Variants in RPS6KA3 observed in about 807,000 individuals in gnomAD.
RPS6KA3 encodes ribosomal protein S6 kinase alpha-3.
RPS6KA3 carries 4 observed loss-of-function variants against 67.2 expected under a neutral mutation model. The observed-to-expected ratio is 0.06, with a 90% CI of 0.03 to 0.14. The LOEUF is 0.14. RPS6KA3 is among the 10% of genes least tolerant of loss of function. The pLI is 1.00. For missense variants in RPS6KA3, 204 were observed against 559.0 expected (o/e 0.36, Z 6.40); for synonymous variants, 182 against 183.7 (o/e 0.99, Z 0.07).
At chrX:20,230,578 A>G (rs191338132) in intron 2 of RPS6KA3, among the ~76,000 whole-genome samples, 18 of 111,774 alleles carry the variant, frequency 1.6e-4, no homozygotes, top group Admixed American at 1.3e-3. Context: ...AGTAGAGGGT[A>G]GAGGTGTGCG....
intron 2 of RPS6KA3, among the ~76,000 whole-genome samples, chrX:20,210,154 G>T (rs2068676490): frequency 8.9e-6 from 1 of 111,863 alleles, no homozygotes; most frequent in South Asian, 3.7e-4. Context: ...ATATATTTGA[G>T]GAAAAGTGTC....
chrX:20,191,237 A>AT (rs1355770562), intron 7 of RPS6KA3, among the ~76,000 whole-genome samples: 2 of 111,818 alleles, frequency 1.8e-5, no homozygotes, highest in Non-Finnish European at 3.8e-5. Flanking sequence ...TCCATGGTGT[A>AT]TATGTGCCAC....
chrX:20,239,640 T>A (rs1221414181), intron 1 of RPS6KA3, among the ~76,000 whole-genome samples: 1 of 111,666 alleles, frequency 9.0e-6, no homozygotes, highest in East Asian at 2.8e-4. Context: ...GCCTGAAATG[T>A]GTATAAAGTC....
intron 14 of RPS6KA3, among the ~76,000 whole-genome samples, chrX:20,173,740 T>C (rs924962902): frequency 1.8e-5 from 2 of 112,554 alleles, no homozygotes; most frequent in Non-Finnish European, 3.7e-5. Flanking sequence ...TATTTCAACA[T>C]GAGCTCTGCT....
intron 19 of RPS6KA3, among the ~76,000 whole-genome samples, chrX:20,162,169 C>G (rs1429543981): frequency 9.2e-6 from 1 of 108,168 alleles, no homozygotes; most frequent in Non-Finnish European, 1.9e-5. Context: ...AACATTGTCT[C>G]AACTAAAAAT....
At chrX:20,161,396 C>G (rs764557062) in intron 20 of RPS6KA3, among the ~76,000 whole-genome samples, 1 of 111,850 alleles carries the variant, frequency 8.9e-6, no homozygotes, top group African/African-American at 3.3e-5. Context: ...ATCATGAAGA[C>G]TACCACGGTT....
rs1420464725 is a variant in RPS6KA3 at position 20,266,798 on chromosome X, G to A, written c.-166C>T. 12 of 352,011 alleles carry A rather than the reference G, an allele frequency of 3.4e-5. No individual in the cohort carries two copies. The highest frequency in any genetic ancestry group is 3.1e-4 in the African/African-American group (11 of 35,146). The allele number at this position is 352,011 out of a possible 1,213,427, so 29.0% of individuals were successfully genotyped here. ...CAGCAGCAGCGGCGGCGGCCCCAGA[G>A]AGGGCTCGACGCCGACGCCGACCGC... On this transcript the variant is annotated 5_prime_UTR_variant, in exon 1 of 22. Coordinates refer to ENST00000379565, the MANE Select transcript of RPS6KA3 (RefSeq NM_004586.3).
At chrX:20,194,347 T>C (rs2068216913) in intron 5 of RPS6KA3, 79 bp from the exon 6 acceptor site, 1 of 560,819 alleles carries the variant, frequency 1.8e-6, no homozygotes, top group African/African-American at 2.3e-5. Flanking sequence ...TAAATGAATA[T>C]TTTAACAAAT....
At chrX:20,217,202 G>A (rs745913403) in intron 2 of RPS6KA3, among the ~76,000 whole-genome samples, 1 of 111,803 alleles carries the variant, frequency 8.9e-6, no homozygotes, top group African/African-American at 3.2e-5. Flanking sequence ...CCAACAAAAC[G>A]TCCTTAGGTT....
At chrX:20,224,517 C>G (rs989147085) in intron 2 of RPS6KA3, among the ~76,000 whole-genome samples, 2 of 111,473 alleles carry the variant, frequency 1.8e-5, no homozygotes, top group African/African-American at 6.5e-5. Context: ...ATTGATTCCA[C>G]TGGATACTTT....
At chrX:20,182,235 A>C (rs1209138874) in intron 10 of RPS6KA3, among the ~76,000 whole-genome samples, 2 of 111,826 alleles carry the variant, frequency 1.8e-5, no homozygotes, top group Non-Finnish European at 3.8e-5. Flanking sequence ...AACCATCTAA[A>C]TATGAACCCT....
intron 1 of RPS6KA3, among the ~76,000 whole-genome samples, chrX:20,254,466 G>A (rs779671221): frequency 4.5e-5 from 5 of 111,946 alleles, no homozygotes; most frequent in Non-Finnish European, 7.5e-5. Flanking sequence ...GGTGCCCTAG[G>A]TGAGAGGTAT....
At chrX:20,220,289 T>C (rs775232425) in intron 2 of RPS6KA3, among the ~76,000 whole-genome samples, 40 of 111,117 alleles carry the variant, frequency 3.6e-4, no homozygotes, top group Non-Finnish European at 6.4e-4. Flanking sequence ...CAAATAAATA[T>C]CTAAGATAGA....
chrX:20,202,048 C>G (rs923477021), intron 4 of RPS6KA3, among the ~76,000 whole-genome samples: 1 of 103,078 alleles, frequency 9.7e-6, no homozygotes, highest in African/African-American at 3.5e-5. Flanking sequence ...GGTGCGATCC[C>G]GGCTCACTGC....
At chrX:20,193,689 T>C (rs748050316) in intron 6 of RPS6KA3, 96 bp from the exon 7 acceptor site, 1 of 506,065 alleles carries the variant, frequency 2.0e-6, no homozygotes, top group Non-Finnish European at 3.3e-6. Flanking sequence ...AAAAATTTTA[T>C]AAATATGATA....
Position 20,262,253 on chromosome X carries a change from T to C in RPS6KA3, c.69+4311A>G, listed in dbSNP as rs764032267. On this transcript the variant is annotated intron_variant, in intron 1 of 21. Coordinates refer to ENST00000379565, the MANE Select transcript of RPS6KA3 (RefSeq NM_004586.3). ...GTTAATTATCACAATGGTATGAATT[T>C]CTTAGTAATAAAAATTTTTAAAAAC... Among the ~76,000 whole-genome samples, 3 of 112,022 alleles carry C rather than the reference T, an allele frequency of 2.7e-5. No individual in the cohort carries two copies. In the South Asian group the frequency reaches 1.1e-3, roughly 42 times the overall value.
intron 2 of RPS6KA3, among the ~76,000 whole-genome samples, chrX:20,213,700 A>C (rs1433442383): frequency 9.1e-6 from 1 of 110,378 alleles, no homozygotes; most frequent in Non-Finnish European, 1.9e-5. Context: ...TGAAACTTAA[A>C]GTATAATAAT....
intron 1 of RPS6KA3, among the ~76,000 whole-genome samples, chrX:20,246,131 A>G (rs1003414179): frequency 6.4e-5 from 7 of 109,463 alleles, no homozygotes; most frequent in Non-Finnish European, 1.3e-4. Context: ...AGAAAAAAAA[A>G]AAAAAAAAAA....
chrX:20,256,066 A>C (rs1299219651), intron 1 of RPS6KA3, among the ~76,000 whole-genome samples: 1 of 102,781 alleles, frequency 9.7e-6, no homozygotes, highest in African/African-American at 3.6e-5. Flanking sequence ...GCCAAGATTG[A>C]GCCACTGAAC....
Sources: gnomAD v4.1 joint callset for allele counts (sites outside exome capture counted in the v4.1 genomes callset) on GRCh38, gnomAD v4.1.1 for gene constraint, MANE v1.5 for transcripts, NCBI Gene and HGNC (gene_info 2026-07-23, HGNC 2026-07-21) for gene names.